The following SLC38A3 variants were observed in gnomAD, a reference collection of about 807,000 sequenced individuals.
SLC38A3 encodes the protein solute carrier family 38 member 3.
SLC38A3 carries 17 observed loss-of-function variants against 59.5 expected under a neutral mutation model. That is an observed-to-expected ratio of 0.29 (90% CI 0.20 to 0.43). The LOEUF (loss-of-function observed/expected upper bound fraction) is 0.43. Among genes scored for constraint, SLC38A3 ranks in the 20% least tolerant of loss-of-function variants. The pLI is 1.00. For missense variants in SLC38A3, 454 were observed against 653.9 expected, an observed-to-expected ratio of 0.69 and a Z score of 3.33; for synonymous variants, 238 against 260.3, an observed-to-expected ratio of 0.91 and a Z score of 0.82.
In SLC38A3 at chr3:50,214,660, G is replaced by C; in HGVS notation, c.191G>C (p.Gly64Ala). ...SKEPHFTDFE[G>A]KTSFGMSVFN... ...CCATTCTGGTGCCTGCAGTTCGAGG[G>C]GAAGACATCATTCGGGATGTCAGTG... The change falls in exon 4 of 16, where the codon GGG becomes GCG. Residue 64 changes from glycine (G) to alanine (A), a missense_variant. By Grantham distance (60) the Gly-to-Ala change is moderately conservative. Coordinates refer to ENST00000614032, the MANE Select transcript of SLC38A3 (RefSeq NM_006841.6). The surrounding 1 kb of genome is among the most constrained non-coding windows in gnomAD (Gnocchi z 6.0). 6.2e-7 allele frequency: 1 copy of C among 1,610,164 alleles called. No homozygotes were observed. Among genetic ancestry groups the C allele is most frequent in the Non-Finnish European group, 8.5e-7 (1 of 1,177,342 alleles).
chr3:50,217,109 C>T lies in SLC38A3; in HGVS notation c.549-129C>T, dbSNP rs946191229. The T allele has an allele frequency of 2.9e-6, 2 of 687,184 alleles. No individual in the cohort carries two copies. The highest frequency in any genetic ancestry group is 1.8e-5 in the African/African-American group (1 of 56,978). 42.6% of individuals were successfully genotyped at this position (687,184 alleles called of 1,614,324 possible). On this transcript the variant is annotated intron_variant, in intron 7 of 15. Coordinates refer to ENST00000614032, the MANE Select transcript of SLC38A3 (RefSeq NM_006841.6). This position sits in a 1 kb window ranked among gnomAD's most constrained non-coding sequence, Gnocchi z 4.9. ...TTTTGCAGATGGGGAAAGTGAGACT[C>T]AGAGCTGTGGACAAACATTCTTCAG...
At chr3:50,210,569 C>G (rs767607073) in intron 1 of SLC38A3, among the ~76,000 whole-genome samples, 10 of 152,232 alleles carry the variant, frequency 6.6e-5, no homozygotes, top group Non-Finnish European at 1.3e-4. Context: ...ACCTTGATCC[C>G]TGGGCAGAGA....
At chr3:50,212,227 T>C (rs1384285173) in intron 1 of SLC38A3, among the ~76,000 whole-genome samples, 1 of 152,084 alleles carries the variant, frequency 6.6e-6, no homozygotes, top group Non-Finnish European at 1.5e-5. Flanking sequence ...TACAGAAGGA[T>C]ATTAGGGCAG....
chr3:50,206,119 C>T (rs1699644187), intron 1 of SLC38A3, among the ~76,000 whole-genome samples: 1 of 152,262 alleles, frequency 6.6e-6, no homozygotes, highest in African/African-American at 2.4e-5. Context: ...CGCCCCCGCC[C>T]GGTTGGCCCC....
chr3:50,219,770 A>T, intron 14 of SLC38A3, 111 bp from the exon 15 acceptor site: 1 of 876,548 alleles, frequency 1.1e-6, no homozygotes, highest in Non-Finnish European at 1.8e-6. Flanking sequence ...CAGTGGTCTC[A>T]ACATGAAACT....
Position 50,218,214 on chromosome 3 carries a change from G to T in SLC38A3, c.936-56G>T. Reference sequence around the variant, plus strand: ...CCAGAGAGAGCTTGGGGCACATGGGGGTCTCCCAATGTTACCCAGCTTGTC... The same window carrying T: ...CCAGAGAGAGCTTGGGGCACATGGGTGTCTCCCAATGTTACCCAGCTTGTC... On this transcript the variant is annotated intron_variant, in intron 11 of 15. Coordinates refer to ENST00000614032, the MANE Select transcript of SLC38A3 (RefSeq NM_006841.6). The surrounding 1 kb of genome is among the most constrained non-coding windows in gnomAD (Gnocchi z 5.8). 2 of 1,286,180 alleles carry T rather than the reference G, an allele frequency of 1.6e-6. No individual in the cohort carries two copies. The highest frequency in any genetic ancestry group is 2.3e-6 in the Non-Finnish European group (2 of 882,148). The allele number at this position is 1,286,180 out of a possible 1,614,324, so 79.7% of individuals were successfully genotyped here.
In SLC38A3 at chr3:50,220,484, CCAG is replaced by C; in HGVS notation, c.*312_*314del. On this transcript the variant is annotated 3_prime_UTR_variant, in exon 16 of 16. Coordinates refer to ENST00000614032, the MANE Select transcript of SLC38A3 (RefSeq NM_006841.6). ...CTTGCACAGATGCATACACTGGGGC[CCAG>C]CAGCTGCCTCCTGAGGTGACACAGC... 1 of 368,376 alleles carries C rather than the reference CCAG, an allele frequency of 2.7e-6. No individual in the cohort carries two copies. The highest frequency in any genetic ancestry group is 5.1e-6 in the Non-Finnish European group (1 of 197,026). 22.8% of individuals were successfully genotyped at this position (368,376 alleles called of 1,614,324 possible).
At position 50,215,714 on chromosome 3, in the gene SLC38A3, C is replaced by T. The variant is rs749488933; in HGVS notation, c.467-26C>T. ...TGGCTGGTTGGGCTGACCTCAGCGCCTGCCTGCCCGCCCCTCTCCCCACAG... is the reference window on the plus strand; with the variant it reads ...TGGCTGGTTGGGCTGACCTCAGCGCTTGCCTGCCCGCCCCTCTCCCCACAG... On this transcript the variant is annotated intron_variant, in intron 6 of 15. Coordinates refer to ENST00000614032, the MANE Select transcript of SLC38A3 (RefSeq NM_006841.6). The surrounding 1 kb of genome is among the most constrained non-coding windows in gnomAD (Gnocchi z 7.1). The T allele has an allele frequency of 2.5e-6, 4 of 1,604,792 alleles. No individual in the cohort carries two copies. Among genetic ancestry groups the T allele is most frequent in the Non-Finnish European group, 3.4e-6 (4 of 1,175,898 alleles).
In SLC38A3 at chr3:50,216,795, C is replaced by T. The variant is rs1214234584; in HGVS notation, c.549-443C>T. On this transcript the variant is annotated intron_variant, in intron 7 of 15. Coordinates refer to ENST00000614032, the MANE Select transcript of SLC38A3 (RefSeq NM_006841.6). The stretch of plus-strand genomic sequence containing the variant: ...GTTTTGTTTTGTTTTGTTTGTGAGA[C>T]GGAGTCTCGCTCAGTCGCCCAGGCT... Among the ~76,000 whole-genome samples the T allele has an allele frequency of 8.1e-5, 11 of 136,134 alleles. No individual in the cohort carries two copies. The South Asian group carries it at 8.7e-4, about 11-fold the overall frequency. 89.3% of individuals were successfully genotyped at this position (136,134 alleles called of 152,430 possible). A position where few individuals can be genotyped will look rare whatever the true frequency, so the allele number is the denominator to read the frequency against.
Position 50,220,245 on chromosome 3 carries a change from C to T in SLC38A3, c.*68C>T. The T allele has an allele frequency of 8.3e-7, 1 of 1,202,304 alleles. No individual in the cohort carries two copies. The highest frequency in any genetic ancestry group is 1.2e-6 in the Non-Finnish European group (1 of 835,446). 74.5% of individuals were successfully genotyped at this position (1,202,304 alleles called of 1,614,324 possible). Reference sequence around the variant, plus strand: ...GCCCAGACTCTTCAGCCCCTGCTCCCATCCAGTGGCCAGTCGGGGGAGGAG... The same window carrying T: ...GCCCAGACTCTTCAGCCCCTGCTCCTATCCAGTGGCCAGTCGGGGGAGGAG... On this transcript the variant is annotated 3_prime_UTR_variant, in exon 16 of 16. Coordinates refer to ENST00000614032, the MANE Select transcript of SLC38A3 (RefSeq NM_006841.6).
Position 50,217,601 on chromosome 3 carries a change from A to G in SLC38A3, c.691-75A>G. 1 of 1,590,844 alleles carries G rather than the reference A, an allele frequency of 6.3e-7. No homozygotes were observed. Among genetic ancestry groups the G allele is most frequent in the East Asian group, 2.2e-5 (1 of 44,686 alleles). ...AAGGCAGCTCCACCAGTCCTGATCT[A>G]GATGTGGCTTCATGGTGACTTCCCA... On this transcript the variant is annotated intron_variant, in intron 9 of 15. Coordinates refer to ENST00000614032, the MANE Select transcript of SLC38A3 (RefSeq NM_006841.6). This position sits in a 1 kb window ranked among gnomAD's most constrained non-coding sequence, Gnocchi z 4.9.
At position 50,218,019 on chromosome 3, in the gene SLC38A3, G is replaced by A. The variant is rs754599000; in HGVS notation, c.935+23G>A. ...GGAGTAGGTGTCTGTGGCTGGGAGT[G>A]GGGGTGGGGATGCCCTGAGCTGGTT... On this transcript the variant is annotated intron_variant, in intron 11 of 15. Transcript: ENST00000614032. This position sits in a 1 kb window ranked among gnomAD's most constrained non-coding sequence, Gnocchi z 5.8. 2 of 1,610,970 alleles carry A rather than the reference G, an allele frequency of 1.2e-6. No homozygotes were observed. Among genetic ancestry groups the A allele is most frequent in the Non-Finnish European group, 1.7e-6 (2 of 1,177,352 alleles).
At chr3:50,213,936 G>A (rs909155839) in intron 1 of SLC38A3, among the ~76,000 whole-genome samples, 1 of 152,136 alleles carries the variant, frequency 6.6e-6, no homozygotes, top group Non-Finnish European at 1.5e-5. Context: ...TTATGTACTG[G>A]CTAGGGTGTC....
chr3:50,218,183 A>T lies in SLC38A3; in HGVS notation c.936-87A>T. On this transcript the variant is annotated intron_variant, in intron 11 of 15. Transcript: ENST00000614032. This position sits in a 1 kb window ranked among gnomAD's most constrained non-coding sequence, Gnocchi z 5.8. Reference sequence around the variant, plus strand: ...CCCTCAGATGCTGAATGGTGAAAGTATGGTGCCAGAGAGAGCTTGGGGCAC... The same window carrying T: ...CCCTCAGATGCTGAATGGTGAAAGTTTGGTGCCAGAGAGAGCTTGGGGCAC... The T allele has an allele frequency of 8.9e-7, 1 of 1,120,930 alleles. No individual in the cohort carries two copies. The highest frequency in any genetic ancestry group is 1.4e-6 in the Non-Finnish European group (1 of 737,864). 69.4% of individuals were successfully genotyped at this position (1,120,930 alleles called of 1,614,324 possible).
intron 1 of SLC38A3, among the ~76,000 whole-genome samples, chr3:50,206,135 T>C (rs1427492672): frequency 6.6e-6 from 1 of 152,258 alleles, no homozygotes; most frequent in Non-Finnish European, 1.5e-5. Context: ...GCCCCTTCGA[T>C]TGGCCACAGC....
In SLC38A3 at chr3:50,215,048, G is replaced by A. The variant is rs1699796809; in HGVS notation, c.299+280G>A. 3.5e-6 allele frequency: 2 copies of A among 574,808 alleles called. No homozygotes were observed. Among genetic ancestry groups the A allele is most frequent in the Non-Finnish European group, 3.1e-6 (1 of 322,692 alleles). The allele number at this position is 574,808 out of a possible 1,614,324, so 35.6% of individuals were successfully genotyped here. On this transcript the variant is annotated intron_variant, in intron 4 of 15. Coordinates refer to ENST00000614032, the MANE Select transcript of SLC38A3 (RefSeq NM_006841.6). This position sits in a 1 kb window ranked among gnomAD's most constrained non-coding sequence, Gnocchi z 7.1. Reference sequence around the variant, plus strand: ...TGGCCAAGCCCCACGGCCAGGCCTTGTGTGGGCACACGTGTCCTTTGGCTG... The same window carrying A: ...TGGCCAAGCCCCACGGCCAGGCCTTATGTGGGCACACGTGTCCTTTGGCTG...
In SLC38A3 at chr3:50,218,639, G is replaced by A. The variant is rs775289542; in HGVS notation, c.1083G>A (p.Pro361=). The change falls in exon 13 of 16, where the codon CCG becomes CCA. Residue 361 remains proline (P), a synonymous_variant. Transcript: ENST00000614032. The surrounding 1 kb of genome is among the most constrained non-coding windows in gnomAD (Gnocchi z 5.8). ...TGCACACCTACAGCAAGGTGGACCC[G>A]TTTGACGTCCTGATCCTGTGTGTGC... ...ELLHTYSKVD[P]FDVLILCVRV... 13 of 1,613,628 alleles carry A rather than the reference G, an allele frequency of 8.1e-6. No individual in the cohort carries two copies. Among genetic ancestry groups the A allele is most frequent in the East Asian group, 2.2e-5 (1 of 44,896 alleles).
At position 50,218,168 on chromosome 3, in the gene SLC38A3, C is replaced by A; in HGVS notation, c.936-102C>A. 9.4e-7 allele frequency: 1 copy of A among 1,069,030 alleles called. No individual in the cohort carries two copies. The highest frequency in any genetic ancestry group is 1.4e-6 in the Non-Finnish European group (1 of 695,704). 66.2% of individuals were successfully genotyped at this position (1,069,030 alleles called of 1,614,324 possible). ...AGCAAGAAGGAGACTCCCTCAGATG[C>A]TGAATGGTGAAAGTATGGTGCCAGA... is the stretch of plus-strand genomic sequence containing the variant. On this transcript the variant is annotated intron_variant, in intron 11 of 15. Coordinates refer to ENST00000614032, the MANE Select transcript of SLC38A3 (RefSeq NM_006841.6). The surrounding 1 kb of genome is among the most constrained non-coding windows in gnomAD (Gnocchi z 5.8).
intron 7 of SLC38A3, among the ~76,000 whole-genome samples, chr3:50,216,933 C>T (rs1284210880): frequency 2.0e-5 from 3 of 152,132 alleles, no homozygotes; most frequent in Non-Finnish European, 4.4e-5. Context: ...CCACCATGCC[C>T]GGCTAATTTT....
Sources: allele counts gnomAD v4.1 joint callset (sites outside exome capture counted in the v4.1 genomes callset), GRCh38; gene constraint gnomAD v4.1.1; non-coding constraint Gnocchi (gnomAD v3.1); transcripts MANE v1.5; gene names NCBI Gene and HGNC (gene_info 2026-07-23, HGNC 2026-07-21).